The following ADARB2 variants were observed in gnomAD, a reference collection of about 807,000 sequenced individuals.
The protein encoded by ADARB2 is adenosine deaminase RNA specific B2 (inactive), also known as inactive double-stranded RNA-specific editase B2.
In ADARB2, 25 loss-of-function variants were observed where a neutral mutation model predicts 62.2. The ratio of observed to expected loss-of-function variants is 0.40; its 90% CI spans 0.29 to 0.56. The LOEUF (loss-of-function observed/expected upper bound fraction) is 0.56, where lower values mean the gene tolerates loss of function less well. ADARB2 is among the 20% of genes least tolerant of loss of function. The pLI is 0.43. For missense variants in ADARB2, 1,071 were observed against 1,077.4 expected (o/e 0.99, Z 0.08); for synonymous variants, 572 against 500.8 (o/e 1.14, Z -1.90).
chr10:1,462,811 GTGTC>G (rs887413458), intron 1 of ADARB2, among the ~76,000 whole-genome samples: 18 of 152,030 alleles, frequency 1.2e-4, no homozygotes, highest in Admixed American at 7.9e-4. Context: ...GTACATGTGT[GTGTC>G]TGTGTGTAGT....
intron 1 of ADARB2, among the ~76,000 whole-genome samples, chr10:1,403,924 G>A (rs1832685469): frequency 6.6e-6 from 1 of 152,188 alleles, no homozygotes; most frequent in South Asian, 2.1e-4. Flanking sequence ...ATCTGGGTGT[G>A]TCTGCAGGGC....
At chr10:1,664,664 C>A (rs1241943492) in intron 1 of ADARB2, among the ~76,000 whole-genome samples, 1 of 152,176 alleles carries the variant, frequency 6.6e-6, no homozygotes, top group East Asian at 1.9e-4. Flanking sequence ...GTGCACTAGC[C>A]TCCCTCAATT....
intron 5 of ADARB2, among the ~76,000 whole-genome samples, chr10:1,240,714 A>AC (rs113019065): frequency 3.3e-5 from 5 of 151,586 alleles, no homozygotes; most frequent in African/African-American, 1.2e-4. Context: ...CTGTCTGTGG[A>AC]CCCCCCCAGC....
intron 1 of ADARB2, among the ~76,000 whole-genome samples, chr10:1,559,795 G>A (rs2813363): frequency 0.92 from 139,634 of 152,262 alleles, 64,528 homozygotes; most frequent in East Asian, 1. Flanking sequence ...GTTGGAGCAG[G>A]AAGTAAAAAT....
At chr10:1,199,701 T>C (rs1221426955) in intron 8 of ADARB2, 2 of 405,412 alleles carry the variant, frequency 4.9e-6, no homozygotes, top group Non-Finnish European at 8.6e-6. Context: ...TGATTCTGTT[T>C]TCAGAACTCC....
chr10:1,278,590 A>G (rs1182946185), intron 3 of ADARB2, among the ~76,000 whole-genome samples: 1 of 149,626 alleles, frequency 6.7e-6, no homozygotes, highest in African/African-American at 2.5e-5. Flanking sequence ...TGCAAAGAAC[A>G]TGATTTCATT....
At chr10:1,650,431 G>A (rs1834095422) in intron 1 of ADARB2, among the ~76,000 whole-genome samples, 1 of 152,196 alleles carries the variant, frequency 6.6e-6, no homozygotes, top group Non-Finnish European at 1.5e-5. Context: ...TGATACTGAA[G>A]GGGGTGGAGA....
intron 1 of ADARB2, among the ~76,000 whole-genome samples, chr10:1,401,368 C>T (rs1459297447): frequency 2.0e-5 from 3 of 152,222 alleles, no homozygotes; most frequent in Non-Finnish European, 4.4e-5. Flanking sequence ...GGTCATGCTG[C>T]GGGAAGCCTG....
intron 1 of ADARB2, among the ~76,000 whole-genome samples, chr10:1,649,509 G>T (rs1417429087): frequency 3.9e-5 from 6 of 152,172 alleles, no homozygotes; most frequent in Non-Finnish European, 7.3e-5. Context: ...CAGCTAACCT[G>T]TGTCCACTTT....
chr10:1,183,184 G>T lies in ADARB2; in HGVS notation c.*9C>A. 6.2e-7 allele frequency: 1 copy of T among 1,610,964 alleles called. No homozygotes were observed. The highest frequency in any genetic ancestry group is 1.3e-5 in the African/African-American group (1 of 74,978). On this transcript the variant is annotated 3_prime_UTR_variant, in exon 10 of 10. Coordinates refer to ENST00000381312, the MANE Select transcript of ADARB2 (RefSeq NM_018702.4). ...TCCCGCTCAGCTCCAGCAGCCAGGA[G>T]CCCGCAGCCTAGAGAGTCAGTAGAA...
At chr10:1,352,043 G>A (rs1165822714) in intron 3 of ADARB2, among the ~76,000 whole-genome samples, 1 of 151,482 alleles carries the variant, frequency 6.6e-6, no homozygotes, top group East Asian at 1.9e-4. Flanking sequence ...CTTTCACTTG[G>A]ACTGACCCTG....
At chr10:1,713,762 CAAAGTCACCCTTGACACTTT>C (rs1040336865) in intron 1 of ADARB2, among the ~76,000 whole-genome samples, 4 of 152,160 alleles carry the variant, frequency 2.6e-5, no homozygotes, top group Non-Finnish European at 5.9e-5. Flanking sequence ...ATGGAAAGAT[CAAAGTCACCCTTGACACTTT>C]AAAGCAAATT....
At chr10:1,393,583 T>C (rs879520176) in intron 1 of ADARB2, among the ~76,000 whole-genome samples, 4 of 152,214 alleles carry the variant, frequency 2.6e-5, no homozygotes, top group Non-Finnish European at 4.4e-5. Flanking sequence ...CACTGGGACA[T>C]TCCTGTGTCA....
chr10:1,437,603 T>C (rs1336178182), intron 1 of ADARB2, among the ~76,000 whole-genome samples: 5 of 152,040 alleles, frequency 3.3e-5, no homozygotes, highest in Non-Finnish European at 5.9e-5. Context: ...CCTGAGCCGA[T>C]TGGGAAATTA....
chr10:1,404,726 C>G (rs981407473), intron 1 of ADARB2, among the ~76,000 whole-genome samples: 1 of 152,134 alleles, frequency 6.6e-6, no homozygotes, highest in African/African-American at 2.4e-5. Context: ...TCCGTTTGAC[C>G]GGCCAACAGT....
At chr10:1,706,917 A>AGGGTTTCATTGGGCAGGAAGTG (rs1834897232) in intron 1 of ADARB2, among the ~76,000 whole-genome samples, 1 of 152,120 alleles carries the variant, frequency 6.6e-6, no homozygotes, top group African/African-American at 2.4e-5. Context: ...GGCAGGAAGT[A>AGGGTTTCATTGGGCAGGAAGTG]GGGTTTCATT....
chr10:1,472,623 G>A (rs1448547598), intron 1 of ADARB2, among the ~76,000 whole-genome samples: 2 of 152,226 alleles, frequency 1.3e-5, no homozygotes, highest in African/African-American at 4.8e-5. Flanking sequence ...GCAGCCTCCT[G>A]GTCTCACAAT....
At chr10:1,654,940 G>A (rs531528751) in intron 1 of ADARB2, among the ~76,000 whole-genome samples, 44 of 152,342 alleles carry the variant, frequency 2.9e-4, no homozygotes, top group Admixed American at 4.6e-4. Flanking sequence ...GCCAGCCCAC[G>A]AGAGCTGGAA....
rs113101816 is a variant in ADARB2, at chr10:1,325,492, T to C, written c.1077+37536A>G. 1.8e-4 allele frequency among the ~76,000 whole-genome samples: 27 copies of C among 152,340 alleles called. 1 individual carries two copies. Among genetic ancestry groups the C allele is most frequent in the African/African-American group, 5.3e-4 (22 of 41,578 alleles). On this transcript the variant is annotated intron_variant, in intron 3 of 9. Coordinates refer to ENST00000381312, the MANE Select transcript of ADARB2 (RefSeq NM_018702.4). ...GGAGGGACTGAGTAGCACTCCCGCA[T>C]GTAACTCACTGCAAACAGTTTGGGT...
Sources: allele counts gnomAD v4.1 joint callset (sites outside exome capture counted in the v4.1 genomes callset), GRCh38; gene constraint gnomAD v4.1.1; transcripts MANE v1.5; gene names NCBI Gene and HGNC (gene_info 2026-07-23, HGNC 2026-07-21).